Variants in NCKAP5 observed in about 807,000 individuals in gnomAD.
NCKAP5 encodes the protein NCK associated protein 5.
A neutral mutation model predicts 167.0 loss-of-function variants in NCKAP5; 92 were observed. The observed-to-expected ratio is 0.55, with a 90% confidence interval of 0.47 to 0.66. The LOEUF is 0.66. NCKAP5 is among the 30% of genes least tolerant of loss of function. The probability of loss-of-function intolerance (pLI) is 0.00; values close to 1 mark genes in which losing one functional copy is unlikely to be tolerated. For synonymous variants in NCKAP5, 891 were observed against 877.4 expected (o/e 1.02, Z -0.27); for missense variants, 2,378 against 2,315.0 (o/e 1.03, Z -0.56).
At chr2:132,703,828 A>G (rs1175650034) in intron 19 of NCKAP5, among the ~76,000 whole-genome samples, 3 of 152,334 alleles carry the variant, frequency 2.0e-5, no homozygotes, top group South Asian at 2.1e-4. Flanking sequence ...TAGTTATTTT[A>G]TTTATACATA....
chr2:132,948,686 G>T (rs1041255077), intron 8 of NCKAP5, among the ~76,000 whole-genome samples: 1 of 152,118 alleles, frequency 6.6e-6, no homozygotes, highest in Non-Finnish European at 1.5e-5. Flanking sequence ...AAATGCACCA[G>T]TACAGAAGGA....
chr2:133,629,845 G>C, the NCKAP5 span, among the ~76,000 whole-genome samples: 2 of 152,226 alleles, frequency 1.3e-5, 1 homozygote, highest in South Asian at 4.1e-4. Flanking sequence ...GGATGGAGCT[G>C]GAAGCCATCA....
At chr2:132,922,650 T>C (rs1695532933) in intron 8 of NCKAP5, among the ~76,000 whole-genome samples, 1 of 152,204 alleles carries the variant, frequency 6.6e-6, no homozygotes, top group Non-Finnish European at 1.5e-5. Flanking sequence ...TGCCTTCATA[T>C]TGCAATGCAT....
intron 3 of NCKAP5, among the ~76,000 whole-genome samples, chr2:133,398,449 G>T (rs1200380567): frequency 1.3e-5 from 2 of 152,054 alleles, no homozygotes; most frequent in Non-Finnish European, 2.9e-5. Context: ...AAACCTTAGA[G>T]TGGTGCATTT....
At chr2:133,055,621 T>C (rs979806492) in intron 6 of NCKAP5, among the ~76,000 whole-genome samples, 19 of 151,990 alleles carry the variant, frequency 1.3e-4, no homozygotes, top group Non-Finnish European at 2.5e-4. Flanking sequence ...AATATAGACA[T>C]AATGGGTATA....
intron 3 of NCKAP5, among the ~76,000 whole-genome samples, chr2:133,360,881 G>A (rs774158495): frequency 1.1e-4 from 16 of 151,446 alleles, no homozygotes; most frequent in Admixed American, 3.9e-4. Flanking sequence ...AAATTAGAGT[G>A]GAGAAGGAAT....
chr2:133,617,311 G>A, the NCKAP5 span, among the ~76,000 whole-genome samples: 1 of 152,012 alleles, frequency 6.6e-6, no homozygotes, highest in Non-Finnish European at 1.5e-5. Context: ...AGGGCAATTA[G>A]GCAGGAGAAG....
At chr2:133,400,036 T>G (rs1441990727) in intron 3 of NCKAP5, among the ~76,000 whole-genome samples, 1 of 152,224 alleles carries the variant, frequency 6.6e-6, no homozygotes, top group African/African-American at 2.4e-5. Flanking sequence ...ATTTCAATCT[T>G]CCTTACCCAG....
At chr2:132,839,095 A>G (rs1445271765) in intron 11 of NCKAP5, among the ~76,000 whole-genome samples, 1 of 152,114 alleles carries the variant, frequency 6.6e-6, no homozygotes, top group Non-Finnish European at 1.5e-5. Context: ...AGCTCTTTGT[A>G]TATTATAGAT....
At chr2:133,065,593 C>G (rs565803704) in intron 6 of NCKAP5, among the ~76,000 whole-genome samples, 6 of 152,312 alleles carry the variant, frequency 3.9e-5, no homozygotes, top group African/African-American at 1.4e-4. Flanking sequence ...CCACTGCACT[C>G]CAGCCTGGCG....
At chr2:133,487,834 A>G (rs1175442353) in intron 3 of NCKAP5, among the ~76,000 whole-genome samples, 2 of 152,152 alleles carry the variant, frequency 1.3e-5, no homozygotes, top group African/African-American at 4.8e-5. Flanking sequence ...AAGACCCACG[A>G]CCACCAAATT....
At chr2:133,236,070 CAAAAAAAAAA>C (rs527705526) in intron 4 of NCKAP5, among the ~76,000 whole-genome samples, 6 of 15,676 alleles carry the variant, frequency 3.8e-4, no homozygotes, top group South Asian at 4.8e-3. Context: ...TGTCTCAGAC[CAAAAAAAAAA>C]AAAAAAAAAA....
intron 11 of NCKAP5, among the ~76,000 whole-genome samples, chr2:132,855,423 G>A (rs1004146304): frequency 6.6e-6 from 1 of 152,202 alleles, no homozygotes; most frequent in Non-Finnish European, 1.5e-5. Flanking sequence ...CTGTCACCCT[G>A]TGGGTGTTTC....
intron 6 of NCKAP5, among the ~76,000 whole-genome samples, chr2:133,107,593 T>C (rs1574051121): frequency 6.6e-6 from 1 of 152,170 alleles, no homozygotes; most frequent in Non-Finnish European, 1.5e-5. Context: ...AATAACCTGA[T>C]CAGCCATGCT....
chr2:133,396,369 CAAG>C (rs909159358), intron 3 of NCKAP5, among the ~76,000 whole-genome samples: 12 of 152,206 alleles, frequency 7.9e-5, no homozygotes, highest in Middle Eastern at 3.4e-3. Context: ...TTTCACCAAA[CAAG>C]AATGACTTAT....
At chr2:132,725,113 A>G (rs1018211402) in intron 19 of NCKAP5, among the ~76,000 whole-genome samples, 1 of 152,214 alleles carries the variant, frequency 6.6e-6, no homozygotes. Flanking sequence ...CTGAATAGAC[A>G]TAGTTTTAAA....
At chr2:133,372,553 T>C (rs1257969846) in intron 3 of NCKAP5, among the ~76,000 whole-genome samples, 2 of 152,216 alleles carry the variant, frequency 1.3e-5, no homozygotes, top group Non-Finnish European at 2.9e-5. Context: ...GCATTTTTCT[T>C]GGACTCAAAG....
chr2:133,416,656 CAAA>C (rs551476353), intron 3 of NCKAP5, among the ~76,000 whole-genome samples: 1 of 127,574 alleles, frequency 7.8e-6, no homozygotes, highest in Non-Finnish European at 1.7e-5. Flanking sequence ...TGGCATTATG[CAAA>C]AAAAAAAAAA....
intron 5 of NCKAP5, among the ~76,000 whole-genome samples, chr2:133,167,455 C>T (rs1192266011): frequency 6.6e-6 from 1 of 152,102 alleles, no homozygotes; most frequent in African/African-American, 2.4e-5. Flanking sequence ...GTTCACAAAT[C>T]ATATTAATAT....
Sources: gnomAD v4.1 joint callset for allele counts (sites outside exome capture counted in the v4.1 genomes callset) on GRCh38, gnomAD v4.1.1 for gene constraint, MANE v1.5 for transcripts, NCBI Gene and HGNC (gene_info 2026-07-23, HGNC 2026-07-21) for gene names.